Variants in LDB2 observed in about 807,000 individuals in gnomAD.
LDB2 encodes LIM domain-binding protein 2.
In LDB2, 12 loss-of-function variants were observed where a neutral mutation model predicts 44.3. The ratio of observed to expected loss-of-function variants is 0.27; its 90% CI spans 0.17 to 0.44. The LOEUF (loss-of-function observed/expected upper bound fraction) is 0.44. Among genes scored for constraint, LDB2 ranks in the 20% least tolerant of loss-of-function variants. The probability of loss-of-function intolerance (pLI) is 1.00; values close to 1 mark genes in which losing one functional copy is unlikely to be tolerated. For synonymous variants in LDB2, 164 were observed against 174.8 expected (o/e 0.94, Z 0.49); for missense variants, 344 against 473.5 (o/e 0.73, Z 2.54).
intron 1 of LDB2, among the ~76,000 whole-genome samples, chr4:16,839,333 G>T (rs1323781319): frequency 6.6e-6 from 1 of 152,218 alleles, no homozygotes; most frequent in Non-Finnish European, 1.5e-5. Flanking sequence ...GGTAAGAGAG[G>T]AAGCAAGAGC....
intron 2 of LDB2, among the ~76,000 whole-genome samples, chr4:16,598,781 T>TGATTTGG (rs1721752390): frequency 6.6e-6 from 1 of 151,930 alleles, no homozygotes; most frequent in Non-Finnish European, 1.5e-5. Flanking sequence ...CTTCATGGGC[T>TGATTTGG]GATTTGGGCC....
intron 1 of LDB2, among the ~76,000 whole-genome samples, chr4:16,833,009 C>T (rs1784305004): frequency 6.6e-6 from 1 of 152,164 alleles, no homozygotes; most frequent in Admixed American, 6.5e-5. Flanking sequence ...CATAAGGAAA[C>T]AAACAGCGAT....
At chr4:16,658,750 G>A (rs1165541855) in intron 2 of LDB2, among the ~76,000 whole-genome samples, 1 of 152,140 alleles carries the variant, frequency 6.6e-6, no homozygotes, top group Non-Finnish European at 1.5e-5. Context: ...ATCCACCCAT[G>A]TAGCCCACAC....
intron 2 of LDB2, among the ~76,000 whole-genome samples, chr4:16,706,216 C>T (rs1343371224): frequency 1.3e-5 from 2 of 152,150 alleles, no homozygotes; most frequent in African/African-American, 2.4e-5. Context: ...ACTACTTCCA[C>T]CCCCAAATTC....
chr4:16,614,615 C>CA (rs1267580415), intron 2 of LDB2, among the ~76,000 whole-genome samples: 20 of 141,494 alleles, frequency 1.4e-4, no homozygotes, highest in Non-Finnish European at 3.0e-4. Context: ...GCAACCCCAT[C>CA]AAAAAAAGTG....
At position 16,512,074 on chromosome 4, in the gene LDB2, G is replaced by C. The variant is rs1373690812; in HGVS notation, c.646C>G (p.Leu216Val). 2.2e-5 allele frequency: 35 copies of C among 1,613,104 alleles called. No homozygotes were observed. The highest frequency in any genetic ancestry group is 3.0e-5 in the Non-Finnish European group (35 of 1,179,506). The change falls in exon 6 of 8, where the codon CTG (leucine) becomes GTG (valine). Residue 216 changes from leucine (L) to valine (V), a missense_variant. Physicochemically the swap from Leu to Val is conservative, Grantham distance 32. Around this residue, in one of 3 missense-constraint regions of LDB2, gnomAD observed 226 missense variants for 270.1 expected, o/e 0.84. Coordinates refer to ENST00000304523, the MANE Select transcript of LDB2 (RefSeq NM_001290.5). ...LCVILEPMQE[L>V]MSRHKTYNLS... ...TTGTAAGTTTTATGTCTCGACATCA[G>C]TTCCTGCATTGGCTCCAATATTACA...
At chr4:16,833,196 G>T (rs1290877921) in intron 1 of LDB2, among the ~76,000 whole-genome samples, 7 of 152,088 alleles carry the variant, frequency 4.6e-5, no homozygotes, top group Non-Finnish European at 1.0e-4. Context: ...AGGCCAATAA[G>T]ATATTCTAGA....
chr4:16,638,081 T>C (rs1020657432), intron 2 of LDB2, among the ~76,000 whole-genome samples: 4 of 152,186 alleles, frequency 2.6e-5, no homozygotes, highest in Admixed American at 6.5e-5. Context: ...CATAAAATGC[T>C]TACTAGAGTA....
intron 1 of LDB2, among the ~76,000 whole-genome samples, chr4:16,830,154 T>A (rs761391626): frequency 6.6e-6 from 1 of 152,066 alleles, no homozygotes; most frequent in Non-Finnish European, 1.5e-5. Context: ...CACATACACA[T>A]ATTGATATGG....
chr4:16,586,029 T>A, intron 4 of LDB2, 24 bp from the exon 5 acceptor site: 1 of 1,585,894 alleles, frequency 6.3e-7, no homozygotes, highest in Non-Finnish European at 8.7e-7. Flanking sequence ...AAACCCCACA[T>A]GTATTTTATC....
intron 1 of LDB2, among the ~76,000 whole-genome samples, chr4:16,818,576 G>A (rs369181267): frequency 6.6e-6 from 1 of 152,150 alleles, no homozygotes; most frequent in Non-Finnish European, 1.5e-5. Flanking sequence ...CGTGAGCCAG[G>A]AATTATGTTA....
chr4:16,715,913 G>A (rs955686343), intron 2 of LDB2, among the ~76,000 whole-genome samples: 1 of 152,050 alleles, frequency 6.6e-6, no homozygotes, highest in African/African-American at 2.4e-5. Context: ...GATATCCTTA[G>A]TTCACTTAAG....
chr4:16,872,433 C>T (rs1361715236), intron 1 of LDB2, among the ~76,000 whole-genome samples: 2 of 152,122 alleles, frequency 1.3e-5, no homozygotes, highest in Non-Finnish European at 2.9e-5. Context: ...TCAAATACTA[C>T]TTAATGCTAT....
intron 5 of LDB2, among the ~76,000 whole-genome samples, chr4:16,554,326 A>G (rs1027933831): frequency 6.6e-6 from 1 of 152,154 alleles, no homozygotes; most frequent in Admixed American, 6.5e-5. Flanking sequence ...CTGGGATTAC[A>G]GGTGTGAGCC....
chr4:16,522,263 C>CGTGT (rs1188381572), intron 5 of LDB2, among the ~76,000 whole-genome samples: 1 of 69,570 alleles, frequency 1.4e-5, no homozygotes, highest in Non-Finnish European at 3.5e-5. Flanking sequence ...TATTCCCCGC[C>CGTGT]GTGTGTGTGT....
intron 2 of LDB2, among the ~76,000 whole-genome samples, chr4:16,686,534 G>C (rs1749296655): frequency 6.6e-6 from 1 of 152,204 alleles, no homozygotes; most frequent in South Asian, 2.1e-4. Context: ...CAGAAATGCT[G>C]ACAACTGAGG....
At chr4:16,754,362 T>C (rs188936613) in intron 2 of LDB2, among the ~76,000 whole-genome samples, 1 of 152,236 alleles carries the variant, frequency 6.6e-6, no homozygotes, top group Non-Finnish European at 1.5e-5. Context: ...GTTCACTTGA[T>C]AAGTCCTGCC....
intron 5 of LDB2, among the ~76,000 whole-genome samples, chr4:16,532,609 C>T (rs1297379399): frequency 6.6e-6 from 1 of 152,176 alleles, no homozygotes; most frequent in African/African-American, 2.4e-5. Flanking sequence ...GGTGTGGTCA[C>T]GAAGAGCTTC....
chr4:16,834,711 C>T (rs1177602760), intron 1 of LDB2, among the ~76,000 whole-genome samples: 4 of 152,028 alleles, frequency 2.6e-5, no homozygotes, highest in Non-Finnish European at 5.9e-5. Context: ...CGTGTAATCC[C>T]CTCTACTGGG....
Sources: allele counts gnomAD v4.1 joint callset (sites outside exome capture counted in the v4.1 genomes callset), GRCh38; gene constraint gnomAD v4.1.1; regional missense constraint gnomAD v4.1.1; transcripts MANE v1.5; gene names NCBI Gene and HGNC (gene_info 2026-07-23, HGNC 2026-07-21).